RARB: variants seen among roughly 807,000 people sequenced by gnomAD.
The protein encoded by RARB is retinoic acid receptor beta.
Under a neutral mutation model 51.9 loss-of-function variants are expected in RARB, and 17 were observed. That is an observed-to-expected ratio of 0.33 (90% confidence interval 0.22 to 0.49). The LOEUF is 0.49. Among genes scored for constraint, RARB ranks in the 20% least tolerant of loss-of-function variants. The probability of loss-of-function intolerance (pLI) is 0.99; values close to 1 mark genes in which losing one functional copy is unlikely to be tolerated. For synonymous variants in RARB, 215 were observed against 195.4 expected, an observed-to-expected ratio of 1.10 and a Z score of -0.84; for missense variants, 369 against 550.8, an observed-to-expected ratio of 0.67 and a Z score of 3.30.
intron 2 of RARB, among the ~76,000 whole-genome samples, chr3:24,892,061 G>C (rs1381555026): frequency 6.6e-6 from 1 of 152,044 alleles, no homozygotes; most frequent in African/African-American, 2.4e-5. Flanking sequence ...ATAACCTATG[G>C]GGAGACAGAT....
At chr3:24,971,603 C>T (rs1696399325) in intron 2 of RARB, among the ~76,000 whole-genome samples, 1 of 152,008 alleles carries the variant, frequency 6.6e-6, no homozygotes, top group Non-Finnish European at 1.5e-5. Flanking sequence ...TTAGAAGAGA[C>T]ATTGGTAGCC....
chr3:25,290,364 C>T (rs1253746236), intron 5 of RARB, among the ~76,000 whole-genome samples: 1 of 152,138 alleles, frequency 6.6e-6, no homozygotes, highest in Non-Finnish European at 1.5e-5. Context: ...ACCCTACCAC[C>T]CCCTCGAGAG....
intron 5 of RARB, among the ~76,000 whole-genome samples, chr3:25,240,474 T>C (rs372215347): frequency 5.7e-4 from 87 of 152,318 alleles, no homozygotes; most frequent in African/African-American, 2.0e-3. Flanking sequence ...TTGTTATATA[T>C]GGCCTTTATT....
intron 2 of RARB, among the ~76,000 whole-genome samples, chr3:24,909,711 G>A (rs367699491): frequency 4.6e-5 from 7 of 151,878 alleles, no homozygotes; most frequent in African/African-American, 9.7e-5. Context: ...TCTTTTAACC[G>A]TGATGGATTT....
chr3:25,523,331 G>T (rs1369604), intron 3 of RARB, among the ~76,000 whole-genome samples: 3 of 152,198 alleles, frequency 2.0e-5, no homozygotes, highest in African/African-American at 7.2e-5. Flanking sequence ...TCTCAAGGAA[G>T]TGTGGGTAAG....
At chr3:24,940,210 G>T (rs7614855) in intron 2 of RARB, among the ~76,000 whole-genome samples, 3 of 151,718 alleles carry the variant, frequency 2.0e-5, no homozygotes, top group Admixed American at 6.6e-5. Context: ...TCATCTTTTC[G>T]TAGTACAAAA....
intron 3 of RARB, among the ~76,000 whole-genome samples, chr3:25,123,388 C>T (rs1357827192): frequency 6.6e-6 from 1 of 151,760 alleles, no homozygotes; most frequent in Non-Finnish European, 1.5e-5. Context: ...TCATAGTGGG[C>T]TTCTCCTCTA....
intron 3 of RARB, among the ~76,000 whole-genome samples, chr3:25,535,083 T>A (rs1196730756): frequency 1.3e-5 from 2 of 152,184 alleles, no homozygotes; most frequent in East Asian, 3.8e-4. Context: ...AGTTGCCCAG[T>A]GAAGGAAAAG....
At chr3:25,149,991 C>T (rs1477432833) in intron 4 of RARB, among the ~76,000 whole-genome samples, 5 of 152,004 alleles carry the variant, frequency 3.3e-5, no homozygotes, top group African/African-American at 1.2e-4. Flanking sequence ...CACCTGAGGT[C>T]AGGAGTTTGA....
At chr3:25,556,615 G>A (rs1480971868) in intron 3 of RARB, among the ~76,000 whole-genome samples, 1 of 152,170 alleles carries the variant, frequency 6.6e-6, no homozygotes, top group Non-Finnish European at 1.5e-5. Context: ...GCTTAAATGT[G>A]ACCTTTAAAG....
chr3:25,307,185 G>A (rs1014374112), intron 5 of RARB, among the ~76,000 whole-genome samples: 9 of 151,984 alleles, frequency 5.9e-5, no homozygotes, highest in Admixed American at 5.9e-4. Flanking sequence ...AGACCAGCCT[G>A]GACAACATAG....
intron 2 of RARB, among the ~76,000 whole-genome samples, chr3:24,894,943 T>C (rs1703448908): frequency 6.6e-6 from 1 of 152,180 alleles, no homozygotes; most frequent in African/African-American, 2.4e-5. Context: ...AGAAGTAATA[T>C]TTGAATTGAG....
intron 3 of RARB, among the ~76,000 whole-genome samples, chr3:25,073,514 A>T (rs927650651): frequency 6.6e-6 from 1 of 152,156 alleles, no homozygotes; most frequent in East Asian, 1.9e-4. Context: ...AGGTTTCTTT[A>T]TTGCAGGGTT....
At chr3:25,406,116 C>G (rs1707401353) in intron 5 of RARB, among the ~76,000 whole-genome samples, 1 of 152,192 alleles carries the variant, frequency 6.6e-6, no homozygotes, top group Non-Finnish European at 1.5e-5. Context: ...ATTCCCGTGA[C>G]TCTGACCTTC....
At chr3:25,485,030 A>G (rs561848967) in intron 2 of RARB, among the ~76,000 whole-genome samples, 1 of 152,310 alleles carries the variant, frequency 6.6e-6, no homozygotes, top group Non-Finnish European at 1.5e-5. Context: ...TTTGTGTTTC[A>G]CACACACACG....
chr3:24,955,331 T>A (rs1383226190), intron 2 of RARB, among the ~76,000 whole-genome samples: 1 of 151,892 alleles, frequency 6.6e-6, no homozygotes, highest in Non-Finnish European at 1.5e-5. Context: ...CACTTGTCTC[T>A]TTGCCAGCTG....
At chr3:25,243,373 C>G (rs891565428) in intron 5 of RARB, among the ~76,000 whole-genome samples, 2 of 152,132 alleles carry the variant, frequency 1.3e-5, no homozygotes, top group African/African-American at 4.8e-5. Flanking sequence ...GAGAGGACAT[C>G]CTTGTCTTGT....
chr3:25,319,878 A>C (rs1334163554), intron 5 of RARB, among the ~76,000 whole-genome samples: 1 of 152,294 alleles, frequency 6.6e-6, no homozygotes, highest in South Asian at 2.1e-4. Context: ...TGAAAAGGTG[A>C]TCTAGCCTAG....
chr3:24,968,909 T>G (rs541683935), intron 2 of RARB, among the ~76,000 whole-genome samples: 1 of 152,118 alleles, frequency 6.6e-6, no homozygotes, highest in Non-Finnish European at 1.5e-5. Flanking sequence ...CAGATTCATA[T>G]AAATCAATTC....
Sources: gnomAD v4.1 joint callset for allele counts (sites outside exome capture counted in the v4.1 genomes callset) on GRCh38, gnomAD v4.1.1 for gene constraint, MANE v1.5 for transcripts, NCBI Gene and HGNC (gene_info 2026-07-23, HGNC 2026-07-21) for gene names.